The following KLF12 variants were observed in gnomAD, a reference collection of about 807,000 sequenced individuals.
KLF12 encodes the protein KLF transcription factor 12.
A neutral mutation model predicts 37.8 loss-of-function variants in KLF12; 9 were observed. The observed-to-expected ratio is 0.24, with a 90% CI of 0.14 to 0.42. The LOEUF (loss-of-function observed/expected upper bound fraction) is 0.42. Ranked by LOEUF, KLF12 falls within the 10% of genes least tolerant of loss-of-function variation. KLF12 has a pLI of 1.00. For missense variants in KLF12, 411 were observed against 516.0 expected (o/e 0.80, Z 1.97); for synonymous variants, 208 against 202.1 (o/e 1.03, Z -0.25).
intron 7 of KLF12, among the ~76,000 whole-genome samples, chr13:73,697,819 A>T (rs1366247227): frequency 6.6e-6 from 1 of 152,212 alleles, no homozygotes; most frequent in Non-Finnish European, 1.5e-5. Flanking sequence ...TCAGTTGTGT[A>T]GTATAGAAGG....
At position 73,694,113 on chromosome 13, in the gene KLF12, C is replaced by G. The variant is rs1873974831; in HGVS notation, c.*1377G>C. On this transcript the variant is annotated 3_prime_UTR_variant, in exon 8 of 8. Transcript: ENST00000377669. ...GGTATAGAAGAACCTATTGGAGAGT[C>G]ACTTATCCTTGGCTCTCCAAGAGAG... The G allele has an allele frequency of 6.6e-6, 1 of 152,518 alleles. No individual in the cohort carries two copies. Among genetic ancestry groups the G allele is most frequent in the African/African-American group, 2.4e-5 (1 of 41,406 alleles). The allele number at this position is 152,518 out of a possible 1,614,324, so 9.4% of individuals were successfully genotyped here.
chr13:73,801,088 G>T (rs180772896), intron 5 of KLF12: 1 of 152,196 alleles, frequency 6.6e-6, no homozygotes, highest in Non-Finnish European at 1.5e-5. Flanking sequence ...AATGAGATAA[G>T]ATTCACTCTT....
intron 3 of KLF12, among the ~76,000 whole-genome samples, chr13:73,897,451 C>T (rs1387886457): frequency 2.6e-5 from 4 of 152,174 alleles, no homozygotes; most frequent in Non-Finnish European, 5.9e-5. Context: ...AATCCATCAG[C>T]TCCCCCATCC....
chr13:74,174,959 T>C, the KLF12 span, among the ~76,000 whole-genome samples: 1,653 of 152,224 alleles, frequency 0.011, 36 homozygotes, highest in African/African-American at 0.038. Flanking sequence ...ATGGCACAAA[T>C]CACTTGCAGA....
At chr13:73,699,858 T>G (rs1874419298) in intron 7 of KLF12, among the ~76,000 whole-genome samples, 1 of 152,036 alleles carries the variant, frequency 6.6e-6, no homozygotes, top group Admixed American at 6.6e-5. Flanking sequence ...ACAGTGCAAG[T>G]GAAGTGTGAT....
At chr13:73,756,121 A>G (rs998159359) in intron 6 of KLF12, among the ~76,000 whole-genome samples, 1 of 152,140 alleles carries the variant, frequency 6.6e-6, no homozygotes, top group Non-Finnish European at 1.5e-5. Flanking sequence ...CCTAATTTGA[A>G]TAGTCTGGGT....
At chr13:74,221,228 G>C in the KLF12 span, among the ~76,000 whole-genome samples, 1 of 152,000 alleles carries the variant, frequency 6.6e-6, no homozygotes, top group African/African-American at 2.4e-5. Context: ...GGATGGTCTC[G>C]ATCTCCTGAC....
chr13:73,954,461 T>C lies in KLF12; in HGVS notation c.34-10391A>G, dbSNP rs146843551. On this transcript the variant is annotated intron_variant, in intron 2 of 7. Coordinates refer to ENST00000377669, the MANE Select transcript of KLF12 (RefSeq NM_007249.5). ...TGAGGCAGAAAAAATGATCTTTAGA[T>C]TTTTACTTCATCCAAGAAAGGTTAT... Among the ~76,000 whole-genome samples, 507 of 152,316 alleles carry C rather than the reference T, an allele frequency of 3.3e-3. 3 individuals are homozygous for C. Among genetic ancestry groups the C allele is most frequent in the African/African-American group, 0.01 (436 of 41,570 alleles).
intron 6 of KLF12, among the ~76,000 whole-genome samples, chr13:73,734,284 G>A (rs1424427709): frequency 6.6e-6 from 1 of 151,004 alleles, no homozygotes; most frequent in African/African-American, 2.5e-5. Flanking sequence ...GCTTCTCACT[G>A]TCTATTGCTT....
At chr13:74,168,936 G>C in the KLF12 span, among the ~76,000 whole-genome samples, 1 of 152,210 alleles carries the variant, frequency 6.6e-6, no homozygotes, top group Non-Finnish European at 1.5e-5. Context: ...TATTTGTGGA[G>C]TATTGTTGCT....
chr13:73,833,520 G>A (rs893355253), intron 4 of KLF12, among the ~76,000 whole-genome samples: 2 of 152,188 alleles, frequency 1.3e-5, no homozygotes, highest in African/African-American at 4.8e-5. Flanking sequence ...CTGCACTTAA[G>A]AGTGTTTATT....
intron 3 of KLF12, among the ~76,000 whole-genome samples, chr13:73,890,506 G>T (rs1243725450): frequency 6.6e-6 from 1 of 152,120 alleles, no homozygotes; most frequent in African/African-American, 2.4e-5. Context: ...AAACGATAAT[G>T]ATTGGGGGAA....
chr13:73,844,517 A>C (rs1884914258), intron 4 of KLF12, among the ~76,000 whole-genome samples: 1 of 152,214 alleles, frequency 6.6e-6, no homozygotes, highest in African/African-American at 2.4e-5. Context: ...TTGCAGTCTA[A>C]AAAGCCTGTA....
intron 5 of KLF12, among the ~76,000 whole-genome samples, chr13:73,803,071 TTTTG>T (rs756861235): frequency 1.7e-4 from 26 of 152,256 alleles, no homozygotes; most frequent in South Asian, 1.2e-3. Context: ...CTGCATGGTT[TTTTG>T]TTTGTTTGTT....
chr13:73,884,421 T>TA (rs1316928130), intron 3 of KLF12, among the ~76,000 whole-genome samples: 1 of 152,194 alleles, frequency 6.6e-6, no homozygotes, highest in Non-Finnish European at 1.5e-5. Flanking sequence ...AAAAAACACT[T>TA]ACATTCAATA....
the KLF12 span, among the ~76,000 whole-genome samples, chr13:74,207,363 T>C: frequency 6.6e-6 from 1 of 152,212 alleles, no homozygotes; most frequent in Non-Finnish European, 1.5e-5. Context: ...TTGTCCTCAT[T>C]GCTTAGGACA....
the KLF12 span, among the ~76,000 whole-genome samples, chr13:74,188,976 G>A: frequency 6.6e-6 from 1 of 152,086 alleles, no homozygotes; most frequent in African/African-American, 2.4e-5. Flanking sequence ...CTGCCTGGGG[G>A]TTCTTGAGAC....
At chr13:73,833,404 A>G (rs1389689068) in intron 4 of KLF12, among the ~76,000 whole-genome samples, 2 of 152,218 alleles carry the variant, frequency 1.3e-5, no homozygotes, top group Non-Finnish European at 2.9e-5. Flanking sequence ...TAAGTGCTAC[A>G]AAATAAAACA....
rs963402801 is a variant in KLF12 at position 73,689,005 on chromosome 13, C to T, written c.*6485G>A. The T allele has an allele frequency of 2.0e-5, 3 of 152,130 alleles. No individual in the cohort carries two copies. The highest frequency in any genetic ancestry group is 7.2e-5 in the African/African-American group (3 of 41,436). 9.4% of individuals were successfully genotyped at this position (152,130 alleles called of 1,614,324 possible). On this transcript the variant is annotated 3_prime_UTR_variant, in exon 8 of 8. Coordinates refer to ENST00000377669, the MANE Select transcript of KLF12 (RefSeq NM_007249.5). ...ATCCATAAAGTGTAGAAATGTTGTACAGGTTGCAGGTAACGTATCTAAAAA... is the reference window on the plus strand; with the variant it reads ...ATCCATAAAGTGTAGAAATGTTGTATAGGTTGCAGGTAACGTATCTAAAAA...
Sources: gnomAD v4.1 joint callset for allele counts (sites outside exome capture counted in the v4.1 genomes callset) on GRCh38, gnomAD v4.1.1 for gene constraint, MANE v1.5 for transcripts, NCBI Gene and HGNC (gene_info 2026-07-23, HGNC 2026-07-21) for gene names.